Variants in ATXN10 observed in about 807,000 individuals in gnomAD.
ATXN10 encodes the protein ataxin-10.
ATXN10 carries 28 observed loss-of-function variants against 52.9 expected under a neutral mutation model. The observed-to-expected ratio is 0.53, with a 90% CI of 0.39 to 0.73. The LOEUF is 0.73. ATXN10 is among the 30% of genes least tolerant of loss of function. ATXN10 has a pLI of 0.00. For synonymous variants in ATXN10, 226 were observed against 221.5 expected (o/e 1.02, Z -0.18); for missense variants, 565 against 577.0 (o/e 0.98, Z 0.21).
chr22:45,788,753 C>G (rs749133392), intron 9 of ATXN10, among the ~76,000 whole-genome samples: 12 of 151,992 alleles, frequency 7.9e-5, no homozygotes, highest in Non-Finnish European at 1.5e-4. Flanking sequence ...AACTCCTGAG[C>G]GATCCTCCCA....
chr22:45,703,706 C>T (rs956803621), intron 5 of ATXN10, among the ~76,000 whole-genome samples: 3 of 152,212 alleles, frequency 2.0e-5, no homozygotes, highest in African/African-American at 7.2e-5. Flanking sequence ...TTGTCCCAGA[C>T]ACCACAAAGA....
chr22:45,770,816 T>G lies in ATXN10; in HGVS notation c.1173+30278T>G, dbSNP rs1157992255. On this transcript the variant is annotated intron_variant, in intron 9 of 11. Transcript: ENST00000252934. The surrounding 1 kb of genome is among the most constrained non-coding windows in gnomAD (Gnocchi z 4.5). ...TGCTGGGACCCTTTAGCCAGTGAAT[T>G]GTTTCATTTGGTCCCATGGCCTGGG... Among the ~76,000 whole-genome samples the G allele has an allele frequency of 6.6e-6, 1 of 152,226 alleles. No homozygotes were observed. The highest frequency in any genetic ancestry group is 6.5e-5 in the Admixed American group (1 of 15,284).
chr22:45,825,639 A>G lies in ATXN10; in HGVS notation c.1238-17352A>G, dbSNP rs1928789651. Among the ~76,000 whole-genome samples the G allele has an allele frequency of 6.6e-6, 1 of 152,240 alleles. No homozygotes were observed. Among genetic ancestry groups the G allele is most frequent in the African/African-American group, 2.4e-5 (1 of 41,454 alleles). On this transcript the variant is annotated intron_variant, in intron 10 of 11. Coordinates refer to ENST00000252934, the MANE Select transcript of ATXN10 (RefSeq NM_013236.4). This position sits in a 1 kb window ranked among gnomAD's most constrained non-coding sequence, Gnocchi z 4.5. ...TTTAAAAAACAATCATAAGGCATAC[A>G]TAAGAAACAGGAAAGTAGGCCCATT...
At chr22:45,768,816 G>A (rs1421367086) in intron 9 of ATXN10, among the ~76,000 whole-genome samples, 1 of 152,242 alleles carries the variant, frequency 6.6e-6, no homozygotes, top group Non-Finnish European at 1.5e-5. Context: ...GGACATTTTT[G>A]AGATGTTCAT....
chr22:45,720,967 A>T (rs1434760780), intron 6 of ATXN10, among the ~76,000 whole-genome samples: 1 of 152,222 alleles, frequency 6.6e-6, no homozygotes, highest in Non-Finnish European at 1.5e-5. Flanking sequence ...TTACAGAGAC[A>T]CAGTCCCTGC....
In ATXN10 at chr22:45,843,171, C is replaced by T; in HGVS notation, c.1418C>T (p.Pro473Leu). The T allele has an allele frequency of 6.2e-7, 1 of 1,613,946 alleles. No individual in the cohort carries two copies. The highest frequency in any genetic ancestry group is 8.5e-7 in the Non-Finnish European group (1 of 1,179,872). ...KLILKSTRDT[P>L]KP ...ATCCTGAAATCTACTAGAGACACCCCTAAGCCAGTAAGTACCCTCGAGGGA... is the reference window on the plus strand; with the variant it reads ...ATCCTGAAATCTACTAGAGACACCCTTAAGCCAGTAAGTACCCTCGAGGGA... The change falls in exon 11 of 12, where the codon CCT becomes CTT. Residue 473 changes from proline (P) to leucine (L), a missense_variant. Physicochemically the swap from Pro to Leu is moderately conservative, Grantham distance 98. Coordinates refer to ENST00000252934, the MANE Select transcript of ATXN10 (RefSeq NM_013236.4). This position sits in a 1 kb window ranked among gnomAD's most constrained non-coding sequence, Gnocchi z 4.5.
chr22:45,772,774 T>A lies in ATXN10; in HGVS notation c.1173+32236T>A, dbSNP rs1453630583. On this transcript the variant is annotated intron_variant, in intron 9 of 11. Transcript: ENST00000252934. This position sits in a 1 kb window ranked among gnomAD's most constrained non-coding sequence, Gnocchi z 4.1. ...GCATGTAGATCCTGTGTATGCTTTGTTAGATTTATTTTTAGCACAGTGGTT... is the reference window on the plus strand; with the variant it reads ...GCATGTAGATCCTGTGTATGCTTTGATAGATTTATTTTTAGCACAGTGGTT... Among the ~76,000 whole-genome samples, 4 of 152,206 alleles carry A rather than the reference T, an allele frequency of 2.6e-5. No homozygotes were observed. Among genetic ancestry groups the A allele is most frequent in the African/African-American group, 7.2e-5 (3 of 41,448 alleles).
At chr22:45,745,316 C>T (rs1385583184) in intron 9 of ATXN10, among the ~76,000 whole-genome samples, 2 of 152,100 alleles carry the variant, frequency 1.3e-5, no homozygotes, top group South Asian at 2.1e-4. Context: ...TTTTTCAAAT[C>T]GGACAGACAG....
chr22:45,729,116 C>A (rs1924986967), intron 6 of ATXN10, among the ~76,000 whole-genome samples: 1 of 151,938 alleles, frequency 6.6e-6, no homozygotes, highest in Non-Finnish European at 1.5e-5. Context: ...CTAGTGTCGT[C>A]GATGTGTTCA....
Position 45,828,939 on chromosome 22 carries a change from G to T in ATXN10, c.1238-14052G>T, listed in dbSNP as rs917701402. On this transcript the variant is annotated intron_variant, in intron 10 of 11. Coordinates refer to ENST00000252934, the MANE Select transcript of ATXN10 (RefSeq NM_013236.4). The surrounding 1 kb of genome is among the most constrained non-coding windows in gnomAD (Gnocchi z 4.5). The stretch of plus-strand genomic sequence containing the variant: ...AAGCCAGCATTTCCCTGGTACAAAA[G>T]CTAGACAGAGACACTACAAGAAAAC... 6.6e-6 allele frequency among the ~76,000 whole-genome samples: 1 copy of T among 152,224 alleles called. No individual in the cohort carries two copies. The highest frequency in any genetic ancestry group is 1.9e-4 in the East Asian group (1 of 5,180).
rs978074972 is a variant in ATXN10, at chr22:45,841,353, A to C, written c.1238-1638A>C. On this transcript the variant is annotated intron_variant, in intron 10 of 11. Transcript: ENST00000252934. The surrounding 1 kb of genome is among the most constrained non-coding windows in gnomAD (Gnocchi z 5.1). ...TGGAAAAGGTCAGTCATTTATACCC[A>C]CCAGTGGTTTTGATGCTAAACCTCC... Among the ~76,000 whole-genome samples the C allele has an allele frequency of 1.3e-5, 2 of 152,188 alleles. No individual in the cohort carries two copies. The highest frequency in any genetic ancestry group is 2.9e-5 in the Non-Finnish European group (2 of 68,030).
At chr22:45,761,189 C>T (rs538891574) in intron 9 of ATXN10, among the ~76,000 whole-genome samples, 8 of 152,144 alleles carry the variant, frequency 5.3e-5, no homozygotes, top group South Asian at 4.1e-4. Flanking sequence ...GGCGTGATTT[C>T]GGCTCACTGC....
intron 5 of ATXN10, among the ~76,000 whole-genome samples, chr22:45,703,271 T>G (rs529311505): frequency 1.5e-4 from 23 of 152,294 alleles, no homozygotes; most frequent in Non-Finnish European, 5.9e-5. Flanking sequence ...CGATACATAA[T>G]GTACTGCCAC....
rs1284464840 is a variant in ATXN10, at chr22:45,753,480, A to G, written c.1173+12942A>G. On this transcript the variant is annotated intron_variant, in intron 9 of 11. Transcript: ENST00000252934. ...GAGTGCTATGGTGTGATCTGAGCTC[A>G]CTGCAACCTCCGCCTCCCGGGATTA... Among the ~76,000 whole-genome samples the G allele has an allele frequency of 2.3e-5, 3 of 129,078 alleles. No individual in the cohort carries two copies. The East Asian group carries it at 7.7e-4, about 33-fold the overall frequency. The allele number at this position is 129,078 out of a possible 152,430, so 84.7% of individuals were successfully genotyped here. A position where few individuals can be genotyped will look rare whatever the true frequency, so the allele number is the denominator to read the frequency against.
rs1926216936 is a variant in ATXN10 at position 45,757,449 on chromosome 22, G to A, written c.1173+16911G>A. Among the ~76,000 whole-genome samples, 1 of 152,132 alleles carries A rather than the reference G, an allele frequency of 6.6e-6. No homozygotes were observed. The highest frequency in any genetic ancestry group is 1.5e-5 in the Non-Finnish European group (1 of 68,024). ...AGGTGGGAGCCCAGGCTGGGATTCAGGATTTCGCTGCTCCCCGTTCAAGGC... is the reference window on the plus strand; with the variant it reads ...AGGTGGGAGCCCAGGCTGGGATTCAAGATTTCGCTGCTCCCCGTTCAAGGC... On this transcript the variant is annotated intron_variant, in intron 9 of 11. Coordinates refer to ENST00000252934, the MANE Select transcript of ATXN10 (RefSeq NM_013236.4). The surrounding 1 kb of genome is among the most constrained non-coding windows in gnomAD (Gnocchi z 4.6).
chr22:45,754,171 C>T lies in ATXN10; in HGVS notation c.1173+13633C>T, dbSNP rs1473973454. ...TAAGCAGGAGCTGCTGAGAGACGAC[C>T]CACGGAGGTGGGCTCCAGCAGCTTG... On this transcript the variant is annotated intron_variant, in intron 9 of 11. Coordinates refer to ENST00000252934, the MANE Select transcript of ATXN10 (RefSeq NM_013236.4). This position sits in a 1 kb window ranked among gnomAD's most constrained non-coding sequence, Gnocchi z 5.4. Among the ~76,000 whole-genome samples the T allele has an allele frequency of 6.6e-6, 1 of 152,192 alleles. No homozygotes were observed. Among genetic ancestry groups the T allele is most frequent in the Non-Finnish European group, 1.5e-5 (1 of 68,026 alleles).
intron 9 of ATXN10, among the ~76,000 whole-genome samples, chr22:45,741,769 G>A (rs1428100987): frequency 1.3e-5 from 2 of 152,152 alleles, no homozygotes; most frequent in African/African-American, 2.4e-5. Flanking sequence ...TCTTCAAATA[G>A]CAATTATAAA....
In ATXN10 at chr22:45,781,892, T is replaced by C. The variant is rs1927161115; in HGVS notation, c.1174-25067T>C. ...TGCTGGAAGAAAAAAATCAGTGAAC[T>C]GGAGGATGGAATAAAAATTATCCAG... is the stretch of plus-strand genomic sequence containing the variant. On this transcript the variant is annotated intron_variant, in intron 9 of 11. Coordinates refer to ENST00000252934, the MANE Select transcript of ATXN10 (RefSeq NM_013236.4). This position sits in a 1 kb window ranked among gnomAD's most constrained non-coding sequence, Gnocchi z 4.2. 6.6e-6 allele frequency among the ~76,000 whole-genome samples: 1 copy of C among 152,068 alleles called. No individual in the cohort carries two copies. Among genetic ancestry groups the C allele is most frequent in the South Asian group, 2.1e-4 (1 of 4,822 alleles).
At chr22:45,737,770 C>T (rs1365769134) in intron 7 of ATXN10, among the ~76,000 whole-genome samples, 1 of 144,192 alleles carries the variant, frequency 6.9e-6, no homozygotes, top group African/African-American at 2.6e-5. Context: ...GTGATCTTGG[C>T]TCACTGCAAC....
Sources: gnomAD v4.1 joint callset for allele counts (sites outside exome capture counted in the v4.1 genomes callset) on GRCh38, gnomAD v4.1.1 for gene constraint, Gnocchi (gnomAD v3.1) non-coding constraint, MANE v1.5 for transcripts, NCBI Gene and HGNC (gene_info 2026-07-23, HGNC 2026-07-21) for gene names.